The following MYH10 variants were observed in gnomAD, a reference collection of about 807,000 sequenced individuals.
The protein encoded by MYH10 is myosin heavy chain 10.
Under a neutral mutation model 257.8 loss-of-function variants are expected in MYH10, and 55 were observed. The ratio of observed to expected loss-of-function variants is 0.21; its 90% CI spans 0.17 to 0.27. The LOEUF is 0.27. MYH10 is among the 10% of genes least tolerant of loss of function. MYH10 has a pLI of 1.00. For missense variants in MYH10, 1,631 were observed against 2,500.6 expected, an observed-to-expected ratio of 0.65 and a Z score of 7.42; for synonymous variants, 854 against 921.7, an observed-to-expected ratio of 0.93 and a Z score of 1.33.
At chr17:8,546,066 T>A (rs1188213793) in intron 12 of MYH10, among the ~76,000 whole-genome samples, 2 of 152,164 alleles carry the variant, frequency 1.3e-5, no homozygotes, top group Non-Finnish European at 2.9e-5. Context: ...AAAAAAATTT[T>A]TTTTTTTTTT....
intron 36 of MYH10, among the ~76,000 whole-genome samples, chr17:8,485,973 CAGT>C (rs1158535178): frequency 1.3e-5 from 2 of 152,212 alleles, no homozygotes. Context: ...TGTATCCACA[CAGT>C]AGAGTGTTAC....
intron 3 of MYH10, among the ~76,000 whole-genome samples, chr17:8,590,209 A>G (rs900653569): frequency 1.3e-5 from 2 of 152,252 alleles, no homozygotes; most frequent in African/African-American, 4.8e-5. Context: ...ACTATGTCGT[A>G]TTCTTTTTTA....
Position 8,477,173 on chromosome 17 carries a change from G to A in MYH10, c.5707-125C>T, listed in dbSNP as rs911485424. On this transcript the variant is annotated intron_variant, in intron 41 of 42. Coordinates refer to ENST00000360416, the MANE Select transcript of MYH10 (RefSeq NM_001256012.3). This position sits in a 1 kb window ranked among gnomAD's most constrained non-coding sequence, Gnocchi z 4.2. ...CTTGTGAGCACGCGTGTACACGGAT[G>A]TACACGCGTGCCTGGGGGCTGGTCG... The A allele has an allele frequency of 1.2e-5, 12 of 1,013,038 alleles. No individual in the cohort carries two copies. Among genetic ancestry groups the A allele is most frequent in the East Asian group, 2.5e-5 (1 of 40,286 alleles). The allele number at this position is 1,013,038 out of a possible 1,614,324, so 62.8% of individuals were successfully genotyped here.
In MYH10 at chr17:8,571,319, C is replaced by A. The variant is rs574483940; in HGVS notation, c.664-1507G>T. Among the ~76,000 whole-genome samples the A allele has an allele frequency of 2.0e-4, 30 of 151,612 alleles. No homozygotes were observed. The South Asian group carries it at 6.3e-3, about 32-fold the overall frequency. ...CCTCCCGAGTAGCTGGGACTACAGG[C>A]ACCCGCCACCATGCCCGGCTAATTT... On this transcript the variant is annotated intron_variant, in intron 6 of 42. Coordinates refer to ENST00000360416, the MANE Select transcript of MYH10 (RefSeq NM_001256012.3).
At chr17:8,618,003 A>G (rs1293268341) in intron 2 of MYH10, among the ~76,000 whole-genome samples, 1 of 152,206 alleles carries the variant, frequency 6.6e-6, no homozygotes, top group East Asian at 1.9e-4. Flanking sequence ...AGTGAGAAGA[A>G]TGGCACTGTT....
At chr17:8,582,248 G>A (rs1339653856) in intron 4 of MYH10, among the ~76,000 whole-genome samples, 1 of 152,164 alleles carries the variant, frequency 6.6e-6, no homozygotes, top group African/African-American at 2.4e-5. Flanking sequence ...TTGAACAAAA[G>A]CAGAGGGAAG....
intron 17 of MYH10, among the ~76,000 whole-genome samples, chr17:8,524,555 G>C (rs1459783835): frequency 6.7e-6 from 1 of 148,176 alleles, no homozygotes; most frequent in Non-Finnish European, 1.5e-5. Context: ...CCTCTGTCCT[G>C]TTCTTCCTCC....
intron 40 of MYH10, among the ~76,000 whole-genome samples, chr17:8,479,392 T>C (rs1913277395): frequency 6.6e-6 from 1 of 152,228 alleles, no homozygotes; most frequent in African/African-American, 2.4e-5. Context: ...GCTTAACAAA[T>C]ATTATGCAAA....
At chr17:8,584,131 C>T (rs762218317) in intron 4 of MYH10, among the ~76,000 whole-genome samples, 6 of 152,054 alleles carry the variant, frequency 3.9e-5, no homozygotes, top group South Asian at 2.1e-4. Context: ...TCACCACACA[C>T]GAGAATACTA....
intron 37 of MYH10, among the ~76,000 whole-genome samples, chr17:8,483,671 T>C (rs776899773): frequency 2.0e-5 from 3 of 152,254 alleles, no homozygotes; most frequent in Non-Finnish European, 2.9e-5. Flanking sequence ...TATCAGTCTC[T>C]GCTTCATGAG....
chr17:8,476,826 C>T (rs748478822), intron 42 of MYH10, 50 bp downstream of exon 42: 1 of 1,575,180 alleles, frequency 6.3e-7, no homozygotes, highest in Non-Finnish European at 8.6e-7. Flanking sequence ...CGAGCCTAAG[C>T]TAACCCACAA....
chr17:8,628,761 T>C (rs1472771851), intron 1 of MYH10, among the ~76,000 whole-genome samples: 1 of 152,220 alleles, frequency 6.6e-6, no homozygotes, highest in Non-Finnish European at 1.5e-5. Context: ...GGAACTTTAA[T>C]TCCTCACATG....
chr17:8,569,837 A>T lies in MYH10; in HGVS notation c.664-25T>A, dbSNP rs986333740. On this transcript the variant is annotated intron_variant, in intron 6 of 42. Transcript: ENST00000360416. This position sits in a 1 kb window ranked among gnomAD's most constrained non-coding sequence, Gnocchi z 4.1. Reference sequence around the variant, plus strand: ...CCTAAAAGACATTACACACACACAAATAAAAGCAGATGTACGTTAATCTAA... The same window carrying T: ...CCTAAAAGACATTACACACACACAATTAAAAGCAGATGTACGTTAATCTAA... 20 of 1,527,114 alleles carry T rather than the reference A, an allele frequency of 1.3e-5. No individual in the cohort carries two copies. Among genetic ancestry groups the T allele is most frequent in the Non-Finnish European group, 1.7e-5 (19 of 1,114,292 alleles). The allele number at this position is 1,527,114 out of a possible 1,614,324, so 94.6% of individuals were successfully genotyped here.
chr17:8,508,636 A>C lies in MYH10; in HGVS notation c.3132T>G (p.Ser1044=), dbSNP rs149341327. ...CCTTTTCTTCCTCTTCAGCCAGCTG[A>C]GAGGAACACTCAGCAATGCGATCTT... ...LMEDRIAECS[S]QLAEEEEKAK... is the part of the protein sequence containing the mutation. The change falls in exon 26 of 43, where the codon TCT becomes TCG. Residue 1044 remains serine, a synonymous_variant. Coordinates refer to ENST00000360416, the MANE Select transcript of MYH10 (RefSeq NM_001256012.3). 76 of 1,613,986 alleles carry C rather than the reference A, an allele frequency of 4.7e-5. No homozygotes were observed. Among genetic ancestry groups the C allele is most frequent in the Middle Eastern group, 3.3e-4 (2 of 6,084 alleles).
intron 19 of MYH10, 29 bp downstream of exon 19, chr17:8,520,849 T>A (rs200975685): frequency 3.2e-6 from 5 of 1,579,330 alleles, no homozygotes; most frequent in African/African-American, 1.4e-5. Flanking sequence ...CTCTGATACA[T>A]AAGCAAAAAA....
chr17:8,555,075 G>GCCA (rs1299182386), intron 7 of MYH10, among the ~76,000 whole-genome samples: 8 of 152,000 alleles, frequency 5.3e-5, no homozygotes, highest in Admixed American at 2.6e-4. Flanking sequence ...CTGCACTCCA[G>GCCA]CCTGGTGACA....
chr17:8,623,132 G>C lies in MYH10; in HGVS notation c.115C>G (p.Pro39Ala), dbSNP rs986915115. 6.2e-7 allele frequency: 1 copy of C among 1,613,910 alleles called. No individual in the cohort carries two copies. Residue 39 changes from proline to alanine, a missense_variant, in exon 2 of 43, where the codon CCA (proline) becomes GCA (alanine). Pro to Ala is a conservative substitution (Grantham distance 27). Transcript: ENST00000360416. ...DWTAKKLVWI[P>A]SERHGFEAAS... ...GCCTCAAAACCATGGCGTTCTGATG[G>C]AATCCACACTAGCTTTTTAGCTGTC...
rs551823391 is a variant in MYH10, at chr17:8,535,817, G to C, written c.1720C>G (p.Gln574Glu). The change falls in exon 15 of 43, where the codon CAG becomes GAG. Residue 574 changes from glutamine (Q) to glutamate (E), a missense_variant. By Grantham distance (29) the Gln-to-Glu change is conservative. Transcript: ENST00000360416. This position sits in a 1 kb window ranked among gnomAD's most constrained non-coding sequence, Gnocchi z 4.3. The part of the protein sequence containing the change: ...VQEQGSHSKF[Q>E]KPRQLKDKAD... ...TTGTCTTTTAATTGTCGAGGTTTCT[G>C]AAACTTGGAGTGGGAACCTTGCTCT... is the stretch of plus-strand genomic sequence containing the variant. 1 of 1,614,138 alleles carries C rather than the reference G, an allele frequency of 6.2e-7. No homozygotes were observed. The highest frequency in any genetic ancestry group is 2.2e-5 in the East Asian group (1 of 44,878).
At chr17:8,578,926 A>C (rs1278133761) in intron 4 of MYH10, among the ~76,000 whole-genome samples, 1 of 152,236 alleles carries the variant, frequency 6.6e-6, no homozygotes. Context: ...CTAAGCATTT[A>C]ATCTAAGGAT....
Sources: allele counts gnomAD v4.1 joint callset (sites outside exome capture counted in the v4.1 genomes callset), GRCh38; gene constraint gnomAD v4.1.1; non-coding constraint Gnocchi (gnomAD v3.1); transcripts MANE v1.5; gene names NCBI Gene and HGNC (gene_info 2026-07-23, HGNC 2026-07-21).